Variants in PHTF2 observed in about 807,000 individuals in gnomAD.
PHTF2 encodes the protein putative homeodomain transcription factor 2, also known as protein PHTF2.
In PHTF2, 60 loss-of-function variants were observed where a neutral mutation model predicts 101.2. The observed-to-expected ratio is 0.59, with a 90% confidence interval of 0.48 to 0.73. The LOEUF is 0.73. Ranked by LOEUF, PHTF2 falls within the 30% of genes least tolerant of loss-of-function variation. The pLI is 0.00. For synonymous variants in PHTF2, 311 were observed against 307.3 expected (o/e 1.01, Z -0.13); for missense variants, 747 against 908.7 (o/e 0.82, Z 2.29).
intron 7 of PHTF2, chr7:77,906,352 G>A (rs1162240226): frequency 6.6e-6 from 1 of 152,164 alleles, no homozygotes; most frequent in Non-Finnish European, 1.5e-5. Context: ...CAGAGTTACG[G>A]AGGAAAAGCT....
At chr7:77,936,032 A>G (rs1345358638) in intron 12 of PHTF2, among the ~76,000 whole-genome samples, 13 of 152,340 alleles carry the variant, frequency 8.5e-5, no homozygotes, top group Admixed American at 8.5e-4. Flanking sequence ...CTAGTATCTT[A>G]GCACTCTTCA....
rs1261964507 is a variant in PHTF2 at position 77,860,929 on chromosome 7, C to T, written c.147+6095C>T. The stretch of plus-strand genomic sequence containing the variant: ...CTGCTGCCCAGGCTGGTCTCGAACT[C>T]CTGGGCTCACGTTATCCTCCCACCT... On this transcript the variant is annotated intron_variant, in intron 3 of 19. Coordinates refer to ENST00000416283, the Ensembl canonical transcript of PHTF2. 2.0e-5 allele frequency among the ~76,000 whole-genome samples: 3 copies of T among 152,048 alleles called. No individual in the cohort carries two copies. The East Asian group carries it at 5.8e-4, about 29-fold the overall frequency.
intron 1 of PHTF2, among the ~76,000 whole-genome samples, chr7:77,821,129 T>C (rs1794255304): frequency 1.7e-5 from 1 of 60,566 alleles, no homozygotes; most frequent in African/African-American, 7.5e-5. Context: ...GATGGCAGTT[T>C]TTTTTTTTTC....
At chr7:77,944,232 T>G (rs939758475) in intron 16 of PHTF2, among the ~76,000 whole-genome samples, 7 of 152,140 alleles carry the variant, frequency 4.6e-5, no homozygotes, top group Non-Finnish European at 7.4e-5. Flanking sequence ...ACTTGAAATT[T>G]TATGCCCACG....
At chr7:77,932,293 T>A (rs1184119685) in intron 12 of PHTF2, among the ~76,000 whole-genome samples, 1 of 152,128 alleles carries the variant, frequency 6.6e-6, no homozygotes, top group Non-Finnish European at 1.5e-5. Context: ...ACTGGTGGAA[T>A]GATTTCTTAG....
intron 1 of PHTF2, among the ~76,000 whole-genome samples, chr7:77,831,372 C>A (rs1795066053): frequency 6.6e-6 from 1 of 152,216 alleles, no homozygotes; most frequent in Non-Finnish European, 1.5e-5. Flanking sequence ...AAGAGTTGAT[C>A]CTGCCTGCTT....
chr7:77,928,869 C>G (rs953428680), intron 11 of PHTF2, among the ~76,000 whole-genome samples: 3 of 152,202 alleles, frequency 2.0e-5, no homozygotes, highest in Admixed American at 6.5e-5. Flanking sequence ...AAAATAGATA[C>G]AACCTTTGTA....
intron 3 of PHTF2, among the ~76,000 whole-genome samples, chr7:77,890,126 T>C (rs1800254502): frequency 6.6e-6 from 1 of 151,986 alleles, no homozygotes; most frequent in Admixed American, 6.6e-5. Flanking sequence ...AACAAATCAT[T>C]TTATCCTGTG....
chr7:77,805,038 T>C (rs1309374805), intron 1 of PHTF2, among the ~76,000 whole-genome samples: 1 of 152,192 alleles, frequency 6.6e-6, no homozygotes, highest in Non-Finnish European at 1.5e-5. Flanking sequence ...ACATGTAGGC[T>C]TGGTAGGCTC....
intron 3 of PHTF2, among the ~76,000 whole-genome samples, chr7:77,865,134 C>T (rs1797950213): frequency 6.6e-6 from 1 of 152,070 alleles, no homozygotes. Context: ...TCTTGATCCT[C>T]TTTTACCATC....
chr7:77,925,296 G>C (rs1001904239), intron 11 of PHTF2, among the ~76,000 whole-genome samples: 3 of 151,968 alleles, frequency 2.0e-5, no homozygotes, highest in African/African-American at 7.3e-5. Flanking sequence ...TATATGTTCA[G>C]TTTTAGGCGT....
intron 11 of PHTF2, among the ~76,000 whole-genome samples, chr7:77,927,178 AT>A (rs1187461113): frequency 0.052 from 2,353 of 44,866 alleles, 45 homozygotes; most frequent in African/African-American, 0.076. Flanking sequence ...AAAAAAAAAA[AT>A]ATATATATAT....
chr7:77,835,442 G>A (rs575875349), intron 1 of PHTF2, among the ~76,000 whole-genome samples: 1 of 152,276 alleles, frequency 6.6e-6, no homozygotes, highest in East Asian at 1.9e-4. Flanking sequence ...CCTAGTGAGA[G>A]TCATGCCAGA....
intron 1 of PHTF2, among the ~76,000 whole-genome samples, chr7:77,837,720 CA>C (rs1394829695): frequency 6.6e-6 from 1 of 152,018 alleles, no homozygotes; most frequent in East Asian, 1.9e-4. Context: ...GCTTGGTAAA[CA>C]AATATATAAA....
chr7:77,954,602 C>G (rs1806819368), intron 19 of PHTF2, among the ~76,000 whole-genome samples: 1 of 96,142 alleles, frequency 1.0e-5, no homozygotes, highest in African/African-American at 5.4e-5. Context: ...TCATATTAAA[C>G]AAGTACTGTG....
At chr7:77,917,127 A>G (rs1245820990) in intron 9 of PHTF2, among the ~76,000 whole-genome samples, 2 of 151,902 alleles carry the variant, frequency 1.3e-5, no homozygotes, top group Non-Finnish European at 2.9e-5. Context: ...ATATATTTCT[A>G]TTTTATTCAA....
intron 11 of PHTF2, among the ~76,000 whole-genome samples, chr7:77,926,106 C>T (rs1292321841): frequency 6.6e-6 from 1 of 151,902 alleles, no homozygotes; most frequent in Non-Finnish European, 1.5e-5. Flanking sequence ...TGGCAAAAAA[C>T]ACTTCTAAAG....
intron 2 of PHTF2, among the ~76,000 whole-genome samples, chr7:77,850,359 T>A: frequency 7.5e-5 from 2 of 26,764 alleles, no homozygotes; most frequent in African/African-American, 2.1e-4. Flanking sequence ...AGACCTTGTC[T>A]CAAAAAAAAA....
chr7:77,826,029 A>G (rs1794674192), intron 1 of PHTF2, among the ~76,000 whole-genome samples: 1 of 152,212 alleles, frequency 6.6e-6, no homozygotes, highest in African/African-American at 2.4e-5. Flanking sequence ...AATGCTAGGA[A>G]AAAAATATGA....
Sources: gnomAD v4.1 joint callset for allele counts (sites outside exome capture counted in the v4.1 genomes callset) on GRCh38, gnomAD v4.1.1 for gene constraint, MANE v1.5 for transcripts, NCBI Gene and HGNC (gene_info 2026-07-23, HGNC 2026-07-21) for gene names.